Variants in ETV4 observed in about 807,000 individuals in gnomAD.
The protein encoded by ETV4 is ETS translocation variant 4.
In ETV4, 42 loss-of-function variants were observed where a neutral mutation model predicts 65.9. That is an observed-to-expected ratio of 0.64 (90% CI 0.50 to 0.82). The LOEUF (loss-of-function observed/expected upper bound fraction) is 0.82, where lower values mean the gene tolerates loss of function less well. Ranked by LOEUF, ETV4 falls within the 40% of genes least tolerant of loss-of-function variation. The probability of loss-of-function intolerance (pLI) is 0.00; values close to 1 mark genes in which losing one functional copy is unlikely to be tolerated. For synonymous variants in ETV4, 238 were observed against 260.0 expected (o/e 0.92, Z 0.81); for missense variants, 583 against 630.3 (o/e 0.92, Z 0.80).
chr17:43,542,958 C>G (rs1008307696), intron 4 of ETV4, among the ~76,000 whole-genome samples: 1 of 152,138 alleles, frequency 6.6e-6, no homozygotes, highest in Non-Finnish European at 1.5e-5. Context: ...CATGGGTTGC[C>G]GGGGTCACTG....
intron 4 of ETV4, among the ~76,000 whole-genome samples, chr17:43,537,660 C>T (rs1324469494): frequency 6.6e-6 from 1 of 152,070 alleles, no homozygotes; most frequent in Non-Finnish European, 1.5e-5. Context: ...CATGCCACTG[C>T]ACTCCAGCCT....
intron 6 of ETV4, 128 bp from the exon 7 acceptor site, chr17:43,533,476 G>T: frequency 1.1e-6 from 1 of 884,810 alleles, no homozygotes; most frequent in Non-Finnish European, 1.7e-6. Context: ...GCTGAGAAGG[G>T]AACGGCAGGA....
intron 5 of ETV4, among the ~76,000 whole-genome samples, chr17:43,535,640 T>C (rs1417777578): frequency 2.0e-5 from 3 of 152,152 alleles, no homozygotes; most frequent in East Asian, 3.8e-4. Flanking sequence ...TTATTAATAA[T>C]ATTGTAAGGA....
Position 43,528,637 on chromosome 17 carries a change from C to T in ETV4, c.1337G>A (p.Arg446Gln), listed in dbSNP as rs754077603. 12 of 1,614,128 alleles carry T rather than the reference C, an allele frequency of 7.4e-6. No individual in the cohort carries two copies. Among genetic ancestry groups the T allele is most frequent in the Non-Finnish European group, 1.0e-5 (12 of 1,180,022 alleles). Residue 446 changes from arginine to glutamine, a missense_variant, in exon 13 of 13, where the codon CGG becomes CAG. Transcript: ENST00000319349. ...QRPALKAEFD[R>Q]PVSEEDTVPL... The stretch of plus-strand genomic sequence containing the variant: ...GACTGTGTCCTCCTCACTGACAGGC[C>T]GGTCAAACTCAGCCTTGAGAGCTGG...
chr17:43,541,596 G>C (rs559688552), intron 4 of ETV4, among the ~76,000 whole-genome samples: 1 of 152,154 alleles, frequency 6.6e-6, no homozygotes, highest in Non-Finnish European at 1.5e-5. Flanking sequence ...GAAGAACTGA[G>C]AGGTTAAAAC....
Position 43,532,846 on chromosome 17 carries a change from C to G in ETV4, c.639G>C (p.Leu213=), listed in dbSNP as rs756885928. Residue 213 remains leucine, a synonymous_variant, in exon 8 of 13, where the codon CTG becomes CTC. Transcript: ENST00000319349. ...EPLPAPYQHQ[L]SEPCPPYPQQ... is the part of the protein sequence containing the mutation. ...GGGGATAGGGTGGGCAGGGCTCCGA[C>G]AGCTGGTGTTGGTAGGGGGCTGGGA... 6.2e-7 allele frequency: 1 copy of G among 1,613,614 alleles called. No individual in the cohort carries two copies. Among genetic ancestry groups the G allele is most frequent in the East Asian group, 2.2e-5 (1 of 44,848 alleles).
At chr17:43,545,046 G>C in intron 3 of ETV4, 24 bp from the exon 4 acceptor site, 1 of 1,612,564 alleles carries the variant, frequency 6.2e-7, no homozygotes, top group Non-Finnish European at 8.5e-7. Context: ...AGTGGAATTG[G>C]AGGTGAGGTG....
Position 43,533,443 on chromosome 17 carries a change from CAGG to C in ETV4, c.384-98_384-96del, listed in dbSNP as rs543507980. On this transcript the variant is annotated intron_variant, in intron 6 of 12. Coordinates refer to ENST00000319349, the MANE Select transcript of ETV4 (RefSeq NM_001079675.5). ...TAGGAAAGCGAGGTCACAGGGATTA[CAGG>C]AGAAGGAAGGATAGAGGGGGCTGAG... 361 of 1,232,260 alleles carry C rather than the reference CAGG, an allele frequency of 2.9e-4. 4 individuals carry two copies. In the East Asian group the frequency reaches 8.2e-3, roughly 28 times the overall value. The allele number at this position is 1,232,260 out of a possible 1,614,324, so 76.3% of individuals were successfully genotyped here. A position where few individuals can be genotyped will look rare whatever the true frequency, so the allele number is the denominator to read the frequency against.
At chr17:43,545,484 G>A in intron 2 of ETV4, 74 bp downstream of exon 2, 8 of 1,474,308 alleles carry the variant, frequency 5.4e-6, no homozygotes, top group Admixed American at 2.0e-5. Context: ...CTGGGACTGC[G>A]GGGAGGGGGG....
rs750932377 is a variant in ETV4 at position 43,533,382 on chromosome 17, A to C, written c.384-34T>G. 5.0e-6 allele frequency: 8 copies of C among 1,589,576 alleles called. No homozygotes were observed. The Admixed American group carries it at 1.0e-4, about 20-fold the overall frequency. ...GAGAAGGAGACAGGGGTGAGGGGGC[A>C]GAGAAGCTGGAAAGCATCTTTGAAC... On this transcript the variant is annotated intron_variant, in intron 6 of 12. Coordinates refer to ENST00000319349, the MANE Select transcript of ETV4 (RefSeq NM_001079675.5).
chr17:43,536,238 A>T, intron 5 of ETV4, 188 bp downstream of exon 5: 1 of 651,280 alleles, frequency 1.5e-6, no homozygotes, highest in Non-Finnish European at 2.8e-6. Context: ...CTAAGGTCAC[A>T]CAGCAAGAAC....
At chr17:43,543,188 C>G (rs148139827) in intron 4 of ETV4, among the ~76,000 whole-genome samples, 9 of 151,896 alleles carry the variant, frequency 5.9e-5, no homozygotes, top group African/African-American at 2.2e-4. Flanking sequence ...CGCCCACCCC[C>G]CTCACCTCCG....
chr17:43,545,611 G>T lies in ETV4; in HGVS notation c.7C>A (p.Arg3=). 1 of 1,550,888 alleles carries T rather than the reference G, an allele frequency of 6.4e-7. No homozygotes were observed. The highest frequency in any genetic ancestry group is 8.7e-7 in the Non-Finnish European group (1 of 1,146,958). The change falls in exon 2 of 13, where the codon CGG becomes AGG. Residue 3 remains arginine (R), a synonymous_variant. Coordinates refer to ENST00000319349, the MANE Select transcript of ETV4 (RefSeq NM_001079675.5). ...TCCAAGTATCCGGCTTTCATCCTCCGCTCCATCCGGCCGCTCCCTCCGGCC... is the reference window on the plus strand; with the variant it reads ...TCCAAGTATCCGGCTTTCATCCTCCTCTCCATCCGGCCGCTCCCTCCGGCC... ME[R]RMKAGYLDQQ...
intron 4 of ETV4, among the ~76,000 whole-genome samples, chr17:43,539,654 G>A (rs1056854448): frequency 6.6e-6 from 1 of 152,172 alleles, no homozygotes; most frequent in African/African-American, 2.4e-5. Flanking sequence ...TCCTCAGGCT[G>A]GCAGAAGTCA....
Position 43,529,945 on chromosome 17 carries a change from G to C in ETV4, c.894C>G (p.Gly298=), listed in dbSNP as rs774019630. The C allele has an allele frequency of 6.8e-6, 11 of 1,614,062 alleles. No homozygotes were observed. The highest frequency in any genetic ancestry group is 9.3e-6 in the Non-Finnish European group (11 of 1,180,044). The stretch of plus-strand genomic sequence containing the variant: ...GGAATGGTCGCAGAGGTTTCTCATA[G>C]CCATAGCCTTGTGGAGGAAATTGGG... ...PSPGDGAMGY[G]YEKPLRPFPD... is the part of the protein sequence containing the mutation. The change falls in exon 10 of 13, where the codon GGC becomes GGG. Residue 298 remains glycine (G), a synonymous_variant. Coordinates refer to ENST00000319349, the MANE Select transcript of ETV4 (RefSeq NM_001079675.5).
intron 4 of ETV4, chr17:43,544,000 G>C (rs554290354): frequency 6.6e-6 from 1 of 152,164 alleles, no homozygotes; most frequent in East Asian, 1.9e-4. Context: ...GTGGAGGGAT[G>C]AGGAGATCCT....
Position 43,538,072 on chromosome 17 carries a change from C to T in ETV4, c.203-1593G>A, listed in dbSNP as rs111721190. ...AAGAGAATGGCGTGAACCTGGGAGG[C>T]GGAGCTTGTAGTGAGCCAAGATCAG... On this transcript the variant is annotated intron_variant, in intron 4 of 12. Coordinates refer to ENST00000319349, the MANE Select transcript of ETV4 (RefSeq NM_001079675.5). 1.4e-4 allele frequency among the ~76,000 whole-genome samples: 21 copies of T among 148,542 alleles called. 1 individual carries two copies. Among genetic ancestry groups the T allele is most frequent in the African/African-American group, 5.0e-4 (20 of 40,054 alleles).
At chr17:43,533,026 G>A (rs774389731) in intron 7 of ETV4, 87 bp from the exon 8 acceptor site, 2 of 1,508,846 alleles carry the variant, frequency 1.3e-6, no homozygotes, top group Admixed American at 4.4e-5. Flanking sequence ...TTTAGAGTGG[G>A]CTCCGGAATG....
intron 4 of ETV4, among the ~76,000 whole-genome samples, chr17:43,543,380 T>A (rs1469842351): frequency 6.6e-6 from 1 of 151,710 alleles, no homozygotes; most frequent in Non-Finnish European, 1.5e-5. Context: ...GGGTGGGACT[T>A]CCAAGGTAGA....
Sources: gnomAD v4.1 joint callset for allele counts (sites outside exome capture counted in the v4.1 genomes callset) on GRCh38, gnomAD v4.1.1 for gene constraint, MANE v1.5 for transcripts, NCBI Gene and HGNC (gene_info 2026-07-23, HGNC 2026-07-21) for gene names.